TSC22D2: variants seen among roughly 807,000 people sequenced by gnomAD.
TSC22D2 encodes TSC22 domain family member 2, also known as TSC22 domain family protein 2.
TSC22D2 carries 5 observed loss-of-function variants against 50.1 expected under a neutral mutation model. That is an observed-to-expected ratio of 0.10 (90% CI 0.05 to 0.21). The LOEUF (loss-of-function observed/expected upper bound fraction) is 0.21. Ranked by LOEUF, TSC22D2 falls within the 10% of genes least tolerant of loss-of-function variation. TSC22D2 has a pLI of 1.00. For synonymous variants in TSC22D2, 501 were observed against 450.1 expected, an observed-to-expected ratio of 1.11 and a Z score of -1.43; for missense variants, 1,003 against 1,015.5, an observed-to-expected ratio of 0.99 and a Z score of 0.17.
chr3:150,431,000 T>A (rs1720359922), intron 1 of TSC22D2, among the ~76,000 whole-genome samples: 1 of 152,024 alleles, frequency 6.6e-6, no homozygotes, highest in South Asian at 2.1e-4. Context: ...TTTGTCATAT[T>A]TGCTTTATCA....
intron 1 of TSC22D2, chr3:150,423,130 C>T (rs181961590): frequency 6.2e-7 from 1 of 1,603,268 alleles, no homozygotes; most frequent in East Asian, 2.2e-5. Context: ...GGTATGAATA[C>T]TTACATATGG....
chr3:150,464,857 G>T lies in TSC22D2; in HGVS notation c.*6221G>T, dbSNP rs991279015. ...TTTAATACTCTAAGTTGTAGATAATGAAATTGATTTAAATCAAAGTTAACT... is the reference window on the plus strand; with the variant it reads ...TTTAATACTCTAAGTTGTAGATAATTAAATTGATTTAAATCAAAGTTAACT... On this transcript the variant is annotated 3_prime_UTR_variant, in exon 3 of 3. Transcript: ENST00000688009. 6.6e-6 allele frequency: 1 copy of T among 152,232 alleles called. No individual in the cohort carries two copies. The highest frequency in any genetic ancestry group is 1.9e-4 in the East Asian group (1 of 5,182). The allele number at this position is 152,232 out of a possible 1,614,324, so 9.4% of individuals were successfully genotyped here. A position where few individuals can be genotyped will look rare whatever the true frequency, so the allele number is the denominator to read the frequency against.
chr3:150,409,321 G>C lies in TSC22D2; in HGVS notation c.-30G>C. 5 of 1,557,600 alleles carry C rather than the reference G, an allele frequency of 3.2e-6. No individual in the cohort carries two copies. Among genetic ancestry groups the C allele is most frequent in the Non-Finnish European group, 4.4e-6 (5 of 1,146,806 alleles). On this transcript the variant is annotated 5_prime_UTR_variant, in exon 1 of 3. Transcript: ENST00000688009. The surrounding 1 kb of genome is among the most constrained non-coding windows in gnomAD (Gnocchi z 7.4). ...TCCGACAGGACCCAGAGGAGCCGGC[G>C]TGCCTCTCTGCCCTCCAGCCTTCTT...
chr3:150,409,683 G>C lies in TSC22D2; in HGVS notation c.333G>C (p.Arg111=). The C allele has an allele frequency of 1.3e-6, 2 of 1,591,192 alleles. No individual in the cohort carries two copies. Among genetic ancestry groups the C allele is most frequent in the Non-Finnish European group, 1.7e-6 (2 of 1,169,842 alleles). ...ACGGAGGAGGAGTCGTTTCGGCCCG[G>C]AGCGTGTCTGGGGCGCTCGCCAGTA... ...PANGGGVVSA[R]SVSGALASTL... is the part of the protein sequence containing the mutation. Residue 111 remains arginine, a synonymous_variant, in exon 1 of 3, where the codon CGG becomes CGC. Coordinates refer to ENST00000688009, the MANE Select transcript of TSC22D2 (RefSeq NM_001303264.2). This position sits in a 1 kb window ranked among gnomAD's most constrained non-coding sequence, Gnocchi z 7.4.
rs1283722377 is a variant in TSC22D2 at position 150,409,767 on chromosome 3, C to T, written c.417C>T (p.Leu139=). The part of the protein sequence containing the change: ...PAPGAPGGPQ[L]AGSSAGPVTA... Reference sequence around the variant, plus strand: ...CCGGAGCACCCGGCGGCCCCCAGCTCGCGGGCTCATCCGCCGGGCCAGTGA... The same window carrying T: ...CCGGAGCACCCGGCGGCCCCCAGCTTGCGGGCTCATCCGCCGGGCCAGTGA... Residue 139 remains leucine (L), a synonymous_variant, in exon 1 of 3, where the codon CTC becomes CTT. Coordinates refer to ENST00000688009, the MANE Select transcript of TSC22D2 (RefSeq NM_001303264.2). This position sits in a 1 kb window ranked among gnomAD's most constrained non-coding sequence, Gnocchi z 7.4. 6.2e-7 allele frequency: 1 copy of T among 1,602,090 alleles called. No homozygotes were observed. The highest frequency in any genetic ancestry group is 1.1e-5 in the South Asian group (1 of 91,070).
At position 150,461,388 on chromosome 3, in the gene TSC22D2, C is replaced by A. The variant is rs542516614; in HGVS notation, c.*2752C>A. ...GTTGTAAATATTAACTGATTGAGAT[C>A]CCAATTTGGAGGCACAGTCTTACAG... On this transcript the variant is annotated 3_prime_UTR_variant, in exon 3 of 3. Coordinates refer to ENST00000688009, the MANE Select transcript of TSC22D2 (RefSeq NM_001303264.2). 8.5e-5 allele frequency: 13 copies of A among 152,260 alleles called. No individual in the cohort carries two copies. The East Asian group carries it at 2.3e-3, about 27-fold the overall frequency. 9.4% of individuals were successfully genotyped at this position (152,260 alleles called of 1,614,324 possible).
At chr3:150,449,979 T>TA (rs147067794) in intron 1 of TSC22D2, among the ~76,000 whole-genome samples, 2 of 151,438 alleles carry the variant, frequency 1.3e-5, no homozygotes, top group Non-Finnish European at 3.0e-5. Context: ...TTTTTAACTT[T>TA]AAAAAAAAAT....
intron 1 of TSC22D2, among the ~76,000 whole-genome samples, chr3:150,441,467 ATAT>A (rs1720715607): frequency 2.0e-5 from 3 of 152,032 alleles, no homozygotes; most frequent in Non-Finnish European, 2.9e-5. Flanking sequence ...GCTCTTTTAA[ATAT>A]TATTGGAGGC....
chr3:150,450,786 C>T (rs905346757), intron 1 of TSC22D2, among the ~76,000 whole-genome samples: 4 of 151,938 alleles, frequency 2.6e-5, no homozygotes, highest in African/African-American at 9.7e-5. Flanking sequence ...AGATTTATTC[C>T]TTTGTAATCA....
In TSC22D2 at chr3:150,410,171, C is replaced by G. The variant is rs1428548817; in HGVS notation, c.821C>G (p.Pro274Arg). 6.2e-7 allele frequency: 1 copy of G among 1,609,136 alleles called. No individual in the cohort carries two copies. The highest frequency in any genetic ancestry group is 1.3e-5 in the African/African-American group (1 of 74,886). The change falls in exon 1 of 3, where the codon CCA becomes CGA. Residue 274 changes from proline to arginine, a missense_variant. This residue lies in a region of TSC22D2 where 696 missense variants were observed against 647.8 expected (regional missense o/e 1.07). Coordinates refer to ENST00000688009, the MANE Select transcript of TSC22D2 (RefSeq NM_001303264.2). ...AQPQSFSVGQ[P>R]QPPPPPVGGA... Reference sequence around the variant, plus strand: ...CCGCAGAGTTTTAGCGTTGGGCAGCCACAGCCGCCGCCGCCACCCGTAGGT... The same window carrying G: ...CCGCAGAGTTTTAGCGTTGGGCAGCGACAGCCGCCGCCGCCACCCGTAGGT...
chr3:150,459,572 G>GTTTTTTTTTTTTTTGTTTT lies in TSC22D2; in HGVS notation c.*949_*950insTGTTTTTTTTTTTTTTTTT, dbSNP rs11330414. 6 of 115,558 alleles carry GTTTTTTTTTTTTTTGTTTT rather than the reference G, an allele frequency of 5.2e-5. No homozygotes were observed. Among genetic ancestry groups the GTTTTTTTTTTTTTTGTTTT allele is most frequent in the Non-Finnish European group, 7.2e-5 (4 of 55,826 alleles). 7.2% of individuals were successfully genotyped at this position (115,558 alleles called of 1,614,324 possible). A position where few individuals can be genotyped will look rare whatever the true frequency, so the allele number is the denominator to read the frequency against. ...TAATGGAGTTTGGTTTTTTTTTGTT[G>GTTTTTTTTTTTTTTGTTTT]TTTTTTTTTTTTTGTCTTTTTTTTT... On this transcript the variant is annotated 3_prime_UTR_variant, in exon 3 of 3. Coordinates refer to ENST00000688009, the MANE Select transcript of TSC22D2 (RefSeq NM_001303264.2).
At position 150,465,063 on chromosome 3, in the gene TSC22D2, T is replaced by C. The variant is rs999788291; in HGVS notation, c.*6427T>C. On this transcript the variant is annotated 3_prime_UTR_variant, in exon 3 of 3. Transcript: ENST00000688009. Reference sequence around the variant, plus strand: ...TGAGAATCCAGAAACACAAATAATATGTTGAGTAAGTAATAAAAGTGACAT... The same window carrying C: ...TGAGAATCCAGAAACACAAATAATACGTTGAGTAAGTAATAAAAGTGACAT... 4 of 152,130 alleles carry C rather than the reference T, an allele frequency of 2.6e-5. No homozygotes were observed. Among genetic ancestry groups the C allele is most frequent in the Non-Finnish European group, 4.4e-5 (3 of 67,980 alleles). 9.4% of individuals were successfully genotyped at this position (152,130 alleles called of 1,614,324 possible).
At chr3:150,431,436 A>T (rs548993435) in intron 1 of TSC22D2, among the ~76,000 whole-genome samples, 11 of 152,220 alleles carry the variant, frequency 7.2e-5, no homozygotes, top group Admixed American at 3.3e-4. Flanking sequence ...AATGTCCTTC[A>T]TAACCATTTT....
intron 1 of TSC22D2, among the ~76,000 whole-genome samples, chr3:150,446,379 G>C (rs1218577991): frequency 6.6e-6 from 1 of 152,178 alleles, no homozygotes; most frequent in Admixed American, 6.5e-5. Flanking sequence ...GCTGGGTACG[G>C]TGGCACACGC....
intron 1 of TSC22D2, among the ~76,000 whole-genome samples, chr3:150,445,234 AC>A (rs1453688825): frequency 6.6e-6 from 1 of 151,310 alleles, no homozygotes; most frequent in East Asian, 1.9e-4. Context: ...AATCGCTTGA[AC>A]CCAGGAGGCG....
Position 150,458,698 on chromosome 3 carries a change from G to A in TSC22D2, c.*62G>A. 1 of 1,587,402 alleles carries A rather than the reference G, an allele frequency of 6.3e-7. No individual in the cohort carries two copies. Among genetic ancestry groups the A allele is most frequent in the Non-Finnish European group, 8.6e-7 (1 of 1,166,716 alleles). On this transcript the variant is annotated 3_prime_UTR_variant, in exon 3 of 3. Coordinates refer to ENST00000688009, the MANE Select transcript of TSC22D2 (RefSeq NM_001303264.2). ...CAATCTATCCTTGTGTGCCACTGGT[G>A]TTCTTTCCACTTTATACGAAAGCAA...
chr3:150,464,424 T>C lies in TSC22D2; in HGVS notation c.*5788T>C, dbSNP rs1721498201. The C allele has an allele frequency of 6.6e-6, 1 of 152,162 alleles. No individual in the cohort carries two copies. Among genetic ancestry groups the C allele is most frequent in the Non-Finnish European group, 1.5e-5 (1 of 68,022 alleles). 9.4% of individuals were successfully genotyped at this position (152,162 alleles called of 1,614,324 possible). On this transcript the variant is annotated 3_prime_UTR_variant, in exon 3 of 3. Transcript: ENST00000688009. ...AAATTTAGGTTTCTTTTTTTTATTT[T>C]ATAAAAAAAATGTTGACATGCAATT...
chr3:150,428,695 T>C (rs9882777), intron 1 of TSC22D2, among the ~76,000 whole-genome samples: 61,603 of 151,816 alleles, frequency 0.41, 12,592 homozygotes, highest in Middle Eastern at 0.54. Flanking sequence ...TGATTTTAGG[T>C]GATGTTGAAA....
At chr3:150,454,388 C>T (rs1466281146) in intron 1 of TSC22D2, among the ~76,000 whole-genome samples, 1 of 152,136 alleles carries the variant, frequency 6.6e-6, no homozygotes, top group African/African-American at 2.4e-5. Context: ...AGGCAGAGGT[C>T]AAAGTCATAA....
Sources: gnomAD v4.1 joint callset for allele counts (sites outside exome capture counted in the v4.1 genomes callset) on GRCh38, gnomAD v4.1.1 for gene constraint, gnomAD v4.1.1 regional missense constraint, Gnocchi (gnomAD v3.1) non-coding constraint, MANE v1.5 for transcripts, NCBI Gene and HGNC (gene_info 2026-07-23, HGNC 2026-07-21) for gene names.